NXPE2: variants seen among roughly 807,000 people sequenced by gnomAD.
The protein encoded by NXPE2 is neurexophilin and PC-esterase domain family member 2.
A neutral mutation model predicts 34.4 loss-of-function variants in NXPE2; 34 were observed. The observed-to-expected ratio is 0.99, with a 90% CI of 0.75 to 1.31. NXPE2 has a LOEUF of 1.31. Ranked by LOEUF, NXPE2 falls within the 40% of genes most tolerant of loss-of-function variation. NXPE2 has a pLI of 0.00. For missense variants in NXPE2, 649 were observed against 672.5 expected, an observed-to-expected ratio of 0.97 and a Z score of 0.39; for synonymous variants, 235 against 231.3, an observed-to-expected ratio of 1.02 and a Z score of -0.15.
the NXPE2 span, among the ~76,000 whole-genome samples, chr11:114,633,824 A>G: frequency 8.2e-3 from 1,253 of 152,082 alleles, 10 homozygotes; most frequent in African/African-American, 0.027. Context: ...ATAGTATTCC[A>G]TGGTGTATAT....
At chr11:114,788,653 T>C in the NXPE2 span, among the ~76,000 whole-genome samples, 2 of 152,192 alleles carry the variant, frequency 1.3e-5, no homozygotes, top group African/African-American at 2.4e-5. Flanking sequence ...CCTCTGACTT[T>C]GTTCTTCCCT....
chr11:114,788,977 C>G, the NXPE2 span, among the ~76,000 whole-genome samples: 1 of 152,200 alleles, frequency 6.6e-6, no homozygotes, highest in African/African-American at 2.4e-5. Context: ...CAAGGCCTCT[C>G]ATTTTCCCTC....
At chr11:114,621,840 T>G in the NXPE2 span, among the ~76,000 whole-genome samples, 1 of 152,026 alleles carries the variant, frequency 6.6e-6, no homozygotes. Flanking sequence ...TGCTGGAAAA[T>G]AAATATTGCC....
the NXPE2 span, among the ~76,000 whole-genome samples, chr11:114,557,648 T>C: frequency 2.1e-5 from 1 of 47,336 alleles, no homozygotes; most frequent in Non-Finnish European, 3.8e-5. Flanking sequence ...TATATATATA[T>C]ATATATATAT....
the NXPE2 span, among the ~76,000 whole-genome samples, chr11:114,727,821 C>T: frequency 2.4e-5 from 2 of 83,826 alleles, no homozygotes; most frequent in Non-Finnish European, 5.8e-5. Flanking sequence ...ACACACATAT[C>T]TTTCCCCTTC....
At chr11:114,695,518 C>T (rs1485069530) in intron 2 of NXPE2, among the ~76,000 whole-genome samples, 1 of 152,086 alleles carries the variant, frequency 6.6e-6, no homozygotes, top group Admixed American at 6.5e-5. Flanking sequence ...GCTCTAGTAA[C>T]CTAGTTCCCC....
the NXPE2 span, among the ~76,000 whole-genome samples, chr11:114,479,043 C>T: frequency 6.6e-6 from 1 of 152,170 alleles, no homozygotes; most frequent in African/African-American, 2.4e-5. Flanking sequence ...TAACCTGGAA[C>T]TGCAAGAGGT....
chr11:114,656,942 A>C, the NXPE2 span, among the ~76,000 whole-genome samples: 1 of 152,168 alleles, frequency 6.6e-6, no homozygotes, highest in Middle Eastern at 3.4e-3. Context: ...AATACAAAAA[A>C]AATTAGCCAG....
chr11:114,640,231 A>G, the NXPE2 span, among the ~76,000 whole-genome samples: 11 of 140,470 alleles, frequency 7.8e-5, no homozygotes, highest in African/African-American at 2.9e-4. Context: ...TTATATATAT[A>G]AATTATATAT....
the NXPE2 span, chr11:114,571,201 T>C: frequency 1.2e-6 from 2 of 1,614,064 alleles, no homozygotes; most frequent in African/African-American, 1.3e-5. Context: ...AGATGCTGAA[T>C]GGCTTTGTGG....
the NXPE2 span, among the ~76,000 whole-genome samples, chr11:114,474,461 G>A: frequency 1.3e-5 from 2 of 152,168 alleles, no homozygotes; most frequent in Non-Finnish European, 2.9e-5. Flanking sequence ...AACCAGGGGA[G>A]GGTGGTGTTT....
At chr11:114,566,501 G>C in the NXPE2 span, among the ~76,000 whole-genome samples, 1 of 152,200 alleles carries the variant, frequency 6.6e-6, no homozygotes, top group Non-Finnish European at 1.5e-5. Context: ...CAAAGAAGTA[G>C]CCATTGGATT....
the NXPE2 span, among the ~76,000 whole-genome samples, chr11:114,764,644 C>G: frequency 6.6e-6 from 1 of 152,130 alleles, no homozygotes; most frequent in Non-Finnish European, 1.5e-5. Flanking sequence ...TTGGATGTTA[C>G]TCAGTTTTTA....
At chr11:114,506,425 A>G in the NXPE2 span, among the ~76,000 whole-genome samples, 1 of 152,340 alleles carries the variant, frequency 6.6e-6, no homozygotes, top group African/African-American at 2.4e-5. Flanking sequence ...ACAACAGAAT[A>G]TATATTATTT....
chr11:114,522,898 G>A, the NXPE2 span: 4 of 1,612,200 alleles, frequency 2.5e-6, no homozygotes, highest in South Asian at 3.3e-5. Context: ...CTTTGGGGAA[G>A]TAGTAGATCC....
At chr11:114,748,013 G>A in the NXPE2 span, among the ~76,000 whole-genome samples, 12 of 152,032 alleles carry the variant, frequency 7.9e-5, no homozygotes, top group East Asian at 1.9e-4. Flanking sequence ...CTCCACTTTC[G>A]TGAGATCACC....
At chr11:114,685,005 C>T (rs374725016) in intron 2 of NXPE2, among the ~76,000 whole-genome samples, 1 of 151,994 alleles carries the variant, frequency 6.6e-6, no homozygotes, top group African/African-American at 2.4e-5. Flanking sequence ...TCATGATCTT[C>T]TATAAATGAG....
the NXPE2 span, among the ~76,000 whole-genome samples, chr11:114,532,336 C>A: frequency 3.3e-5 from 5 of 152,022 alleles, no homozygotes; most frequent in Non-Finnish European, 5.9e-5. Flanking sequence ...AAATGAAATT[C>A]CCCCAAAAGA....
the NXPE2 span, chr11:114,581,861 G>C: frequency 1.0e-6 from 1 of 955,780 alleles, no homozygotes; most frequent in Non-Finnish European, 1.6e-6. Flanking sequence ...AGATTATCCA[G>C]TGCCTCAGTT....
Sources: gnomAD v4.1 joint callset for allele counts (sites outside exome capture counted in the v4.1 genomes callset) on GRCh38, gnomAD v4.1.1 for gene constraint, MANE v1.5 for transcripts, NCBI Gene and HGNC (gene_info 2026-07-23, HGNC 2026-07-21) for gene names.